MINDY4: variants seen among roughly 807,000 people sequenced by gnomAD.
The protein encoded by MINDY4 is MINDY lysine 48 deubiquitinase 4.
In MINDY4, 68 loss-of-function variants were observed where a neutral mutation model predicts 87.0. The observed-to-expected ratio is 0.78, with a 90% CI of 0.64 to 0.96. The LOEUF (loss-of-function observed/expected upper bound fraction) is 0.96, where lower values mean the gene tolerates loss of function less well. Ranked by LOEUF, MINDY4 falls within the 40% of genes least tolerant of loss-of-function variation. The pLI, the probability that MINDY4 is intolerant of heterozygous loss-of-function variation, is 0.00. For missense variants in MINDY4, 919 were observed against 928.2 expected (o/e 0.99, Z 0.13); for synonymous variants, 379 against 363.2 (o/e 1.04, Z -0.50).
At chr7:30,861,370 G>A (rs900689887) in intron 13 of MINDY4, among the ~76,000 whole-genome samples, 1 of 152,266 alleles carries the variant, frequency 6.6e-6, no homozygotes, top group African/African-American at 2.4e-5. Context: ...CGAGTCCACA[G>A]CAGCCCTGTT....
At chr7:30,812,859 G>A (rs1054886772) in intron 5 of MINDY4, among the ~76,000 whole-genome samples, 3 of 152,102 alleles carry the variant, frequency 2.0e-5, no homozygotes, top group Middle Eastern at 3.2e-3. Context: ...CACCCCCATC[G>A]TGAGGCTCAA....
At chr7:30,849,470 C>T (rs984837331) in intron 9 of MINDY4, among the ~76,000 whole-genome samples, 1 of 152,196 alleles carries the variant, frequency 6.6e-6, no homozygotes, top group Non-Finnish European at 1.5e-5. Flanking sequence ...TCGGCTGTTT[C>T]CCTTCCCTCT....
rs750524835 is a variant in MINDY4, at chr7:30,791,517, C to A, written c.1016C>A (p.Thr339Asn). The change falls in exon 5 of 18, where the codon ACC becomes AAC. Residue 339 changes from threonine to asparagine, a missense_variant. Physicochemically the swap from Thr to Asn is moderately conservative, Grantham distance 65. Transcript: ENST00000265299. ...LYLPGGNSRM[T>N]QERLERAFKR... ...TTGCCTGGTGGTAATTCCAGGATGA[C>A]CCAGGAGAGGCTGGAAAGAGCGTTC... The A allele has an allele frequency of 6.2e-7, 1 of 1,613,836 alleles. No individual in the cohort carries two copies.
chr7:30,822,303 T>C (rs1788358940), intron 5 of MINDY4, among the ~76,000 whole-genome samples: 1 of 151,992 alleles, frequency 6.6e-6, no homozygotes, highest in Non-Finnish European at 1.5e-5. Context: ...GTCCTGTAGA[T>C]GGGACTACAG....
chr7:30,884,278 C>T (rs945811522), intron 17 of MINDY4, among the ~76,000 whole-genome samples: 2 of 152,204 alleles, frequency 1.3e-5, no homozygotes, highest in Non-Finnish European at 2.9e-5. Flanking sequence ...ACATCCTCGA[C>T]ATGCTTTGTC....
Position 30,883,021 on chromosome 7 carries a change from G to A in MINDY4, c.2225+28G>A, listed in dbSNP as rs370217178. On this transcript the variant is annotated intron_variant, in intron 17 of 17. Coordinates refer to ENST00000265299, the MANE Select transcript of MINDY4 (RefSeq NM_032222.3). The stretch of plus-strand genomic sequence containing the variant: ...GAGTCAAGCCCCTCTCTGGCTTTGA[G>A]CCTCACCCTGAATAGCTTTGAGGAG... 19 of 1,609,686 alleles carry A rather than the reference G, an allele frequency of 1.2e-5. No individual in the cohort carries two copies. In the African/African-American group the frequency reaches 2.4e-4, roughly 20 times the overall value.
In MINDY4 at chr7:30,802,301, T is replaced by G. The variant is rs1248647476; in HGVS notation, c.1073+10727T>G. Among the ~76,000 whole-genome samples the G allele has an allele frequency of 4.6e-5, 7 of 152,008 alleles. No individual in the cohort carries two copies. In the East Asian group the frequency reaches 1.2e-3, roughly 25 times the overall value. On this transcript the variant is annotated intron_variant, in intron 5 of 17. Coordinates refer to ENST00000265299, the MANE Select transcript of MINDY4 (RefSeq NM_032222.3). ...CTACTCACTCTCACAGTTGTTCAGCTGCAGGCTGGACACCTGCATTAACCT... is the reference window on the plus strand; with the variant it reads ...CTACTCACTCTCACAGTTGTTCAGCGGCAGGCTGGACACCTGCATTAACCT...
chr7:30,867,112 T>C (rs890928174), intron 13 of MINDY4, among the ~76,000 whole-genome samples: 3 of 152,056 alleles, frequency 2.0e-5, no homozygotes, highest in Admixed American at 2.0e-4. Flanking sequence ...GGCTCAGAAA[T>C]GGAAAGCGAT....
chr7:30,891,302 G>C lies in MINDY4; in HGVS notation c.2226-655G>C, dbSNP rs530223156. On this transcript the variant is annotated intron_variant, in intron 17 of 17. Transcript: ENST00000265299. ...GTGTTAAAATCAAGTGCTAGGAAAT[G>C]TCATGGTCTCACCTACAGTAACTTT... Among the ~76,000 whole-genome samples the C allele has an allele frequency of 2.0e-4, 31 of 152,278 alleles. No homozygotes were observed. The East Asian group carries it at 3.5e-3, about 17-fold the overall frequency.
intron 6 of MINDY4, among the ~76,000 whole-genome samples, chr7:30,832,640 A>G (rs1306142036): frequency 1.3e-5 from 2 of 152,016 alleles, no homozygotes; most frequent in Non-Finnish European, 2.9e-5. Context: ...CTCCTGAGTA[A>G]CTGGGATTAC....
At chr7:30,849,630 C>T (rs1396580457) in intron 9 of MINDY4, among the ~76,000 whole-genome samples, 1 of 152,212 alleles carries the variant, frequency 6.6e-6, no homozygotes, top group Non-Finnish European at 1.5e-5. Flanking sequence ...ACCCTTCTTC[C>T]TCTGCCTCCG....
chr7:30,839,809 G>C (rs1299594761), intron 8 of MINDY4, among the ~76,000 whole-genome samples: 1 of 152,196 alleles, frequency 6.6e-6, no homozygotes, highest in East Asian at 1.9e-4. Flanking sequence ...TGCTTGAAGA[G>C]AAGGATGTAA....
chr7:30,813,570 A>G (rs1158752366), intron 5 of MINDY4, among the ~76,000 whole-genome samples: 1 of 152,222 alleles, frequency 6.6e-6, no homozygotes, highest in East Asian at 1.9e-4. Flanking sequence ...GAGTGGGGGC[A>G]GGGAGGAATG....
intron 5 of MINDY4, among the ~76,000 whole-genome samples, chr7:30,818,409 G>T (rs74718264): frequency 6.6e-6 from 1 of 152,124 alleles, no homozygotes; most frequent in Non-Finnish European, 1.5e-5. Flanking sequence ...CAACTAACAC[G>T]TAGCAATTTC....
intron 13 of MINDY4, 74 bp from the exon 14 acceptor site, chr7:30,872,169 C>T (rs1302038822): frequency 7.2e-5 from 98 of 1,367,418 alleles, no homozygotes; most frequent in Admixed American, 1.9e-4. Context: ...CTAAGGGGAG[C>T]GCCTGGTCAC....
chr7:30,827,092 C>G (rs1390468487), intron 5 of MINDY4, among the ~76,000 whole-genome samples: 5 of 152,036 alleles, frequency 3.3e-5, no homozygotes, highest in African/African-American at 1.2e-4. Flanking sequence ...TTAAAATAAT[C>G]TAGGTGAGAG....
chr7:30,780,772 GA>G (rs1786988567), intron 2 of MINDY4: 1 of 152,170 alleles, frequency 6.6e-6, no homozygotes. Context: ...CAAGTGATGT[GA>G]AAAAGCATAA....
chr7:30,814,190 A>G lies in MINDY4; in HGVS notation c.1074-14489A>G, dbSNP rs11972028. 7.6e-3 allele frequency among the ~76,000 whole-genome samples: 1,153 copies of G among 152,348 alleles called. 17 individuals are homozygous for G. Among genetic ancestry groups the G allele is most frequent in the African/African-American group, 0.027 (1,110 of 41,582 alleles). The stretch of plus-strand genomic sequence containing the variant: ...AGTATTTAATTTTCGCAAATTTTCC[A>G]AAAATACAAGACCGTGTGAACACAC... On this transcript the variant is annotated intron_variant, in intron 5 of 17. Coordinates refer to ENST00000265299, the MANE Select transcript of MINDY4 (RefSeq NM_032222.3).
intron 9 of MINDY4, among the ~76,000 whole-genome samples, chr7:30,843,814 G>T (rs1362023957): frequency 6.6e-6 from 1 of 152,188 alleles, no homozygotes; most frequent in Non-Finnish European, 1.5e-5. Context: ...AGCCCAGTGG[G>T]TCCTGGGGCT....
Sources: gnomAD v4.1 joint callset for allele counts (sites outside exome capture counted in the v4.1 genomes callset) on GRCh38, gnomAD v4.1.1 for gene constraint, MANE v1.5 for transcripts, NCBI Gene and HGNC (gene_info 2026-07-23, HGNC 2026-07-21) for gene names.